The following PPP2R1B variants were observed in gnomAD, a reference collection of about 807,000 sequenced individuals.
PPP2R1B encodes the protein protein phosphatase 2 scaffold subunit Abeta.
In PPP2R1B, 58 loss-of-function variants were observed where a neutral mutation model predicts 72.7. The observed-to-expected ratio is 0.80, with a 90% CI of 0.65 to 0.99. The LOEUF is 0.99. PPP2R1B is among the 50% of genes least tolerant of loss of function. The probability of loss-of-function intolerance (pLI) is 0.00; values close to 1 mark genes in which losing one functional copy is unlikely to be tolerated. For synonymous variants in PPP2R1B, 256 were observed against 264.6 expected, an observed-to-expected ratio of 0.97 and a Z score of 0.32; for missense variants, 695 against 733.6, an observed-to-expected ratio of 0.95 and a Z score of 0.61.
the PPP2R1B span, among the ~76,000 whole-genome samples, chr11:111,690,566 G>A: frequency 6.6e-6 from 1 of 151,924 alleles, no homozygotes; most frequent in African/African-American, 2.4e-5. Context: ...TAGGTTTTAA[G>A]CCCTGCATGG....
rs757775543 is a variant in PPP2R1B at position 111,742,647 on chromosome 11, C to G, written c.1573G>C (p.Gly525Arg). 6.2e-7 allele frequency: 1 copy of G among 1,612,574 alleles called. No individual in the cohort carries two copies. The highest frequency in any genetic ancestry group is 1.1e-5 in the South Asian group (1 of 90,936). The change falls in exon 13 of 15, where the codon GGT (glycine) becomes CGT (arginine). Residue 525 changes from glycine (G) to arginine (R), a missense_variant. Transcript: ENST00000527614. ...FCINALSEAC[G>R]QEITTKQMLP... ...ATTTGCTTAGTAGTTATTTCCTGAC[C>G]ACAGGCCTCAGACAGTGCCTAGAAA...
rs1455782727 is a variant in PPP2R1B, at chr11:111,747,971, G to A, written c.1382C>T (p.Ala461Val). 2.5e-6 allele frequency: 4 copies of A among 1,613,000 alleles called. No individual in the cohort carries two copies. Among genetic ancestry groups the A allele is most frequent in the Non-Finnish European group, 3.4e-6 (4 of 1,179,500 alleles). ...FDEKLNSLCM[A>V]WLVDHVYAIR... ...CTACTCACCATGGTCCACGAGCCAAGCCATACATAAAGAATTCAGCTTTTC... is the reference window on the plus strand; with the variant it reads ...CTACTCACCATGGTCCACGAGCCAAACCATACATAAAGAATTCAGCTTTTC... Residue 461 changes from alanine to valine, a missense_variant, in exon 11 of 15, where the codon GCT becomes GTT. Coordinates refer to ENST00000527614, the MANE Select transcript of PPP2R1B (RefSeq NM_002716.5).
At chr11:111,748,942 G>A (rs1307452883) in intron 10 of PPP2R1B, among the ~76,000 whole-genome samples, 1 of 151,982 alleles carries the variant, frequency 6.6e-6, no homozygotes, top group Non-Finnish European at 1.5e-5. Flanking sequence ...CACCTCCCGG[G>A]TTCAAGTGAT....
chr11:111,701,765 C>G, the PPP2R1B span, among the ~76,000 whole-genome samples: 1 of 152,152 alleles, frequency 6.6e-6, no homozygotes, highest in Non-Finnish European at 1.5e-5. The surrounding 1 kb of genome is among the most constrained non-coding windows in gnomAD (Gnocchi z 4.2). Context: ...CTACTTGTAA[C>G]TAAACACACA....
the PPP2R1B span, among the ~76,000 whole-genome samples, chr11:111,692,578 G>A: frequency 1.3e-5 from 2 of 151,998 alleles, no homozygotes; most frequent in South Asian, 2.1e-4. Context: ...GATCATTCAC[G>A]TGCTATAAAG....
At position 111,742,679 on chromosome 11, in the gene PPP2R1B, T is replaced by C. The variant is rs1944566520; in HGVS notation, c.1555-14A>G. ...CTCAGACAGTGCCTAGAAAAATAAGTAAGATGGCACATTTAAAATACTTTA... is the reference window on the plus strand; with the variant it reads ...CTCAGACAGTGCCTAGAAAAATAAGCAAGATGGCACATTTAAAATACTTTA... On this transcript the variant is annotated splice_polypyrimidine_tract_variant and intron_variant, in intron 12 of 14. Transcript: ENST00000527614. The C allele has an allele frequency of 6.9e-6, 11 of 1,586,060 alleles. No homozygotes were observed. Among genetic ancestry groups the C allele is most frequent in the Non-Finnish European group, 8.6e-6 (10 of 1,166,106 alleles).
rs4354724 is a variant in PPP2R1B, at chr11:111,758,672, A to C, written c.687+1132T>G. 2.8e-3 allele frequency among the ~76,000 whole-genome samples: 420 copies of C among 152,288 alleles called. 3 individuals are homozygous for C. Among genetic ancestry groups the C allele is most frequent in the African/African-American group, 9.7e-3 (403 of 41,574 alleles). On this transcript the variant is annotated intron_variant, in intron 5 of 14. Transcript: ENST00000527614. ...AAAAGTCAGGATAATGTTACTCTTA[A>C]GGAAATGGAGTGGCAAGTGGAGGAG...
the PPP2R1B span, among the ~76,000 whole-genome samples, chr11:111,714,761 GCCACAA>G: frequency 6.6e-6 from 1 of 152,170 alleles, no homozygotes; most frequent in South Asian, 2.1e-4. Flanking sequence ...GTGCGAGGCT[GCCACAA>G]GCCAGTGTTG....
rs780104936 is a variant in PPP2R1B, at chr11:111,742,068, G to A, written c.1774C>T (p.Gln592Ter). 3.7e-6 allele frequency: 6 copies of A among 1,613,212 alleles called. No individual in the cohort carries two copies. The highest frequency in any genetic ancestry group is 1.1e-5 in the South Asian group (1 of 91,058). Reference protein sequence around the residue: ...DEDMDVKYFAQEAISVLALA With the variant: ...DEDMDVKYFA ...AAATACATACCACTTATAGCTTCCT[G>A]TGCAAAGTATTTGACATCCATGTCT... The change falls in exon 14 of 15, where the codon CAG becomes TAG. Residue 592 changes from glutamine (Q) to a stop codon, truncating the protein, a stop_gained. Coordinates refer to ENST00000527614, the MANE Select transcript of PPP2R1B (RefSeq NM_002716.5). LOFTEE classifies it high-confidence loss of function.
intron 15 of PPP2R1B, chr11:111,727,132 C>T: frequency 1.6e-6 from 2 of 1,289,744 alleles, no homozygotes; most frequent in Non-Finnish European, 2.2e-6. Flanking sequence ...ACTGACCGTC[C>T]CCAGCTGCCC....
chr11:111,755,676 G>A (rs573466160), intron 5 of PPP2R1B, among the ~76,000 whole-genome samples: 26 of 145,676 alleles, frequency 1.8e-4, no homozygotes, highest in African/African-American at 6.1e-4. Flanking sequence ...TCCAACATCC[G>A]CCTCCCAGGC....
Position 111,740,516 on chromosome 11 carries a change from G to A in PPP2R1B, c.*1080C>T, listed in dbSNP as rs1247977600. On this transcript the variant is annotated 3_prime_UTR_variant, in exon 15 of 15. Transcript: ENST00000527614. ...AATACTGTTTAAGTAGTTCAAATAG[G>A]CTTCCTCACTATTAATTTGCTTCAG... 27 of 985,030 alleles carry A rather than the reference G, an allele frequency of 2.7e-5. No homozygotes were observed. The highest frequency in any genetic ancestry group is 3.3e-5 in the Non-Finnish European group (27 of 829,746). 61.0% of individuals were successfully genotyped at this position (985,030 alleles called of 1,614,324 possible). A position where few individuals can be genotyped will look rare whatever the true frequency, so the allele number is the denominator to read the frequency against.
chr11:111,702,144 G>A, the PPP2R1B span, among the ~76,000 whole-genome samples: 1 of 152,174 alleles, frequency 6.6e-6, no homozygotes, highest in Non-Finnish European at 1.5e-5. Flanking sequence ...CAGACTACCA[G>A]ACTGCCTGGT....
the PPP2R1B span, among the ~76,000 whole-genome samples, chr11:111,694,551 AC>A: frequency 1.3e-5 from 2 of 152,188 alleles, no homozygotes; most frequent in South Asian, 4.1e-4. Context: ...GTCCCCTAGA[AC>A]TGAAAAAGGG....
intron 1 of PPP2R1B, 86 bp downstream of exon 1, chr11:111,766,162 C>T: frequency 1.5e-6 from 2 of 1,348,148 alleles, no homozygotes; most frequent in Admixed American, 1.8e-5. Flanking sequence ...AGTACCTCGG[C>T]CACCCCCACC....
chr11:111,741,741 T>C lies in PPP2R1B; in HGVS notation c.1790-129A>G, dbSNP rs572682697. 381 of 1,081,084 alleles carry C rather than the reference T, an allele frequency of 3.5e-4. No individual in the cohort carries two copies. In the African/African-American group the frequency reaches 4.0e-3, roughly 11 times the overall value. 67.0% of individuals were successfully genotyped at this position (1,081,084 alleles called of 1,614,324 possible). A position where few individuals can be genotyped will look rare whatever the true frequency, so the allele number is the denominator to read the frequency against. Reference sequence around the variant, plus strand: ...AACTTCTCACTGTGGTTACTGTCTTTACTCAGCCAGGCTAATCAGAAGTGA... The same window carrying C: ...AACTTCTCACTGTGGTTACTGTCTTCACTCAGCCAGGCTAATCAGAAGTGA... On this transcript the variant is annotated intron_variant, in intron 14 of 14. Transcript: ENST00000527614.
At chr11:111,699,787 TA>T in the PPP2R1B span, among the ~76,000 whole-genome samples, 2 of 152,218 alleles carry the variant, frequency 1.3e-5, no homozygotes, top group African/African-American at 4.8e-5. Flanking sequence ...TGACTAAGTG[TA>T]TTTATCATTT....
At chr11:111,755,655 T>C (rs1945085338) in intron 5 of PPP2R1B, among the ~76,000 whole-genome samples, 1 of 148,558 alleles carries the variant, frequency 6.7e-6, no homozygotes, top group Non-Finnish European at 1.5e-5. Context: ...AGTGGCACAA[T>C]CTCCGCTCAT....
chr11:111,692,405 G>GGA, the PPP2R1B span, among the ~76,000 whole-genome samples: 4 of 138,544 alleles, frequency 2.9e-5, no homozygotes, highest in African/African-American at 8.1e-5. Flanking sequence ...AAGGAGAGAG[G>GGA]GAGAGAGAGA....
Sources: gnomAD v4.1 joint callset for allele counts (sites outside exome capture counted in the v4.1 genomes callset) on GRCh38, gnomAD v4.1.1 for gene constraint, Gnocchi (gnomAD v3.1) non-coding constraint, MANE v1.5 for transcripts, NCBI Gene and HGNC (gene_info 2026-07-23, HGNC 2026-07-21) for gene names.